ITPRID1: variants seen among roughly 807,000 people sequenced by gnomAD.
ITPRID1 encodes protein ITPRID1.
Under a neutral mutation model 95.4 loss-of-function variants are expected in ITPRID1, and 96 were observed. The observed-to-expected ratio is 1.01, with a 90% CI of 0.85 to 1.19. The LOEUF (loss-of-function observed/expected upper bound fraction) is 1.19, where lower values mean the gene tolerates loss of function less well. Among genes scored for constraint, ITPRID1 ranks in the 50% most tolerant of loss-of-function variants. The pLI is 0.00. For missense variants in ITPRID1, 1,339 were observed against 1,252.9 expected, an observed-to-expected ratio of 1.07 and a Z score of -1.04; for synonymous variants, 510 against 453.6, an observed-to-expected ratio of 1.12 and a Z score of -1.58.
intron 1 of ITPRID1, among the ~76,000 whole-genome samples, chr7:31,516,693 G>C (rs921746841): frequency 6.6e-6 from 1 of 152,162 alleles, no homozygotes; most frequent in African/African-American, 2.4e-5. Flanking sequence ...GAGCCTATGT[G>C]TCCATTTGCA....
intron 1 of ITPRID1, among the ~76,000 whole-genome samples, chr7:31,538,897 A>T (rs750274348): frequency 1.2e-4 from 19 of 152,128 alleles, no homozygotes; most frequent in Admixed American, 8.5e-4. Context: ...TTGGACTTTC[A>T]CCCCGTAAGT....
chr7:31,528,606 A>T (rs1004279562), intron 1 of ITPRID1, among the ~76,000 whole-genome samples: 1 of 152,154 alleles, frequency 6.6e-6, no homozygotes. Flanking sequence ...AAGAGACGAG[A>T]GATCTCCCAG....
intron 5 of ITPRID1, among the ~76,000 whole-genome samples, chr7:31,555,506 T>A (rs1784417258): frequency 6.6e-6 from 1 of 151,414 alleles, no homozygotes; most frequent in Admixed American, 6.6e-5. Context: ...CTAAGACCCT[T>A]CAATTATAAA....
At chr7:31,579,628 A>G (rs1234889202) in intron 9 of ITPRID1, among the ~76,000 whole-genome samples, 1 of 152,224 alleles carries the variant, frequency 6.6e-6, no homozygotes, top group Non-Finnish European at 1.5e-5. Flanking sequence ...AAATTCATAG[A>G]AAGTAGGCTT....
At chr7:31,612,967 A>G (rs1349297519) in intron 10 of ITPRID1, among the ~76,000 whole-genome samples, 1 of 152,200 alleles carries the variant, frequency 6.6e-6, no homozygotes, top group Non-Finnish European at 1.5e-5. Context: ...CCATTGTTTT[A>G]AACATACACC....
intron 10 of ITPRID1, among the ~76,000 whole-genome samples, chr7:31,599,363 T>C (rs573995482): frequency 6.6e-6 from 1 of 152,210 alleles, no homozygotes; most frequent in South Asian, 2.1e-4. Flanking sequence ...TGTATATTAA[T>C]AATGTGCAAA....
chr7:31,522,962 A>G (rs1783313472), intron 1 of ITPRID1, among the ~76,000 whole-genome samples: 1 of 152,134 alleles, frequency 6.6e-6, no homozygotes, highest in South Asian at 2.1e-4. Context: ...CCTGCCACCT[A>G]TATTGTATGG....
At chr7:31,620,468 G>A (rs567332231) in intron 10 of ITPRID1, among the ~76,000 whole-genome samples, 6 of 151,478 alleles carry the variant, frequency 4.0e-5, no homozygotes, top group East Asian at 1.9e-4. Flanking sequence ...TACCTGTTCT[G>A]CAGACACCAC....
intron 10 of ITPRID1, among the ~76,000 whole-genome samples, chr7:31,625,370 C>G (rs953102921): frequency 9.2e-5 from 14 of 152,062 alleles, no homozygotes; most frequent in African/African-American, 3.1e-4. Flanking sequence ...TTGGAACCAA[C>G]CCAAATGTCC....
At chr7:31,553,903 G>T (rs983860259) in intron 3 of ITPRID1, among the ~76,000 whole-genome samples, 4 of 152,182 alleles carry the variant, frequency 2.6e-5, no homozygotes, top group African/African-American at 9.6e-5. Flanking sequence ...TTGACTATTT[G>T]TTGAGCCAAT....
At chr7:31,645,828 G>A (rs572543471) in intron 12 of ITPRID1, among the ~76,000 whole-genome samples, 6 of 152,076 alleles carry the variant, frequency 3.9e-5, no homozygotes, top group Non-Finnish European at 8.8e-5. Flanking sequence ...AAAATACAGA[G>A]AACAGCCACC....
At chr7:31,617,708 C>T (rs116847393) in intron 10 of ITPRID1, among the ~76,000 whole-genome samples, 25 of 152,012 alleles carry the variant, frequency 1.6e-4, no homozygotes, top group South Asian at 4.2e-4. Context: ...GTGCTCCCTC[C>T]GACCCCCACA....
chr7:31,569,213 C>T (rs1214978212), intron 5 of ITPRID1, among the ~76,000 whole-genome samples: 2 of 152,072 alleles, frequency 1.3e-5, no homozygotes, highest in Admixed American at 6.6e-5. Flanking sequence ...AATTTTAAGG[C>T]TGTTGGAAGG....
intron 10 of ITPRID1, among the ~76,000 whole-genome samples, chr7:31,626,673 T>C (rs1788497631): frequency 6.6e-6 from 1 of 152,210 alleles, no homozygotes; most frequent in South Asian, 2.1e-4. Flanking sequence ...TCAGTGCTTC[T>C]GGATCCCTAA....
rs1025774375 is a variant in ITPRID1, at chr7:31,551,126, C to T, written c.-24+1627C>T. 2.1e-5 allele frequency among the ~76,000 whole-genome samples: 3 copies of T among 142,854 alleles called. 1 individual carries two copies. Among genetic ancestry groups the T allele is most frequent in the African/African-American group, 7.4e-5 (3 of 40,636 alleles). 93.7% of individuals were successfully genotyped at this position (142,854 alleles called of 152,430 possible). A position where few individuals can be genotyped will look rare whatever the true frequency, so the allele number is the denominator to read the frequency against. ...ATTCTTTTCTTCAAACCTTTTGATC[C>T]TTTATTGAATCTGGTATTTCATGAA... On this transcript the variant is annotated intron_variant, in intron 2 of 14. Transcript: ENST00000615280.
rs10247620 is a variant in ITPRID1, at chr7:31,643,796, G to A, written c.2426G>A (p.Cys809Tyr). 0.78 allele frequency: 1,255,008 copies of A among 1,613,760 alleles called. 489,062 individuals carry two copies. The highest frequency in any genetic ancestry group is 0.87 in the East Asian group (38,932 of 44,854). The change falls in exon 12 of 15, where the codon TGT (cysteine) becomes TAT (tyrosine). Residue 809 changes from cysteine to tyrosine, a missense_variant. Transcript: ENST00000615280. ...HAIPAHCCICCHHHPHCHGER... is the reference protein window; with the variant it reads ...HAIPAHCCICYHHHPHCHGER... The stretch of plus-strand genomic sequence containing the variant: ...ATACCTGCCCACTGCTGCATCTGCT[G>A]TCATCACCACCCTCACTGCCACGGG...
chr7:31,514,485 A>G (rs1057508836), intron 1 of ITPRID1, among the ~76,000 whole-genome samples: 6 of 152,200 alleles, frequency 3.9e-5, no homozygotes, highest in Admixed American at 6.5e-5. Context: ...GAGGAGAAAA[A>G]AGCTAATCTG....
intron 1 of ITPRID1, among the ~76,000 whole-genome samples, chr7:31,515,553 C>T (rs1404028123): frequency 3.3e-5 from 5 of 152,024 alleles, no homozygotes; most frequent in Admixed American, 2.6e-4. Context: ...CCAGCCTGGA[C>T]AACAAGAGCA....
chr7:31,552,481 A>C (rs1409456462), intron 2 of ITPRID1, among the ~76,000 whole-genome samples: 1 of 152,206 alleles, frequency 6.6e-6, no homozygotes, highest in Non-Finnish European at 1.5e-5. Flanking sequence ...AGTTATTAAA[A>C]TTCGGTAGAG....
Sources: gnomAD v4.1 joint callset for allele counts (sites outside exome capture counted in the v4.1 genomes callset) on GRCh38, gnomAD v4.1.1 for gene constraint, MANE v1.5 for transcripts, NCBI Gene and HGNC (gene_info 2026-07-23, HGNC 2026-07-21) for gene names.